Variants in HLA-DMA observed in about 807,000 individuals in gnomAD.
The protein encoded by HLA-DMA is HLA class II histocompatibility antigen, DM alpha chain.
Under a neutral mutation model 27.3 loss-of-function variants are expected in HLA-DMA, and 20 were observed. That is an observed-to-expected ratio of 0.73 (90% confidence interval 0.52 to 1.07). The LOEUF (loss-of-function observed/expected upper bound fraction) is 1.07, where lower values mean the gene tolerates loss of function less well. Ranked by LOEUF, HLA-DMA falls within the 50% of genes least tolerant of loss-of-function variation. The pLI is 0.00. For synonymous variants in HLA-DMA, 111 were observed against 126.8 expected (o/e 0.88, Z 0.83); for missense variants, 241 against 321.7 (o/e 0.75, Z 1.92).
rs1214022248 is a variant in HLA-DMA, at chr6:32,953,084, G to A, written c.-48C>T. On this transcript the variant is annotated 5_prime_UTR_variant, in exon 1 of 5. Coordinates refer to ENST00000374843, the MANE Select transcript of HLA-DMA (RefSeq NM_006120.4). ...AGGAGCTACCAACCCAGCCAACCCA[G>A]CTTCCCCAACTCCCTCCCCGAGAGG... 1 of 1,451,442 alleles carries A rather than the reference G, an allele frequency of 6.9e-7. No individual in the cohort carries two copies. Among genetic ancestry groups the A allele is most frequent in the African/African-American group, 1.4e-5 (1 of 71,580 alleles). 89.9% of individuals were successfully genotyped at this position (1,451,442 alleles called of 1,614,324 possible).
At position 32,948,749 on chromosome 6, in the gene HLA-DMA, G is replaced by C. The variant is rs936761712; in HGVS notation, c.*115C>G. Reference sequence around the variant, plus strand: ...GTGGGAAATCTACACACACACCCCAGGGATGTCCCAGAGACTTCTACCCTA... The same window carrying C: ...GTGGGAAATCTACACACACACCCCACGGATGTCCCAGAGACTTCTACCCTA... On this transcript the variant is annotated 3_prime_UTR_variant, in exon 5 of 5. Coordinates refer to ENST00000374843, the MANE Select transcript of HLA-DMA (RefSeq NM_006120.4). The C allele has an allele frequency of 2.5e-6, 3 of 1,206,092 alleles. No individual in the cohort carries two copies. Among genetic ancestry groups the C allele is most frequent in the Non-Finnish European group, 2.4e-6 (2 of 840,464 alleles). 74.7% of individuals were successfully genotyped at this position (1,206,092 alleles called of 1,614,324 possible).
At position 32,950,589 on chromosome 6, in the gene HLA-DMA, G is replaced by C. The variant is rs1216353447; in HGVS notation, c.303C>G (p.Asp101Glu). 1.9e-6 allele frequency: 3 copies of C among 1,612,878 alleles called. No homozygotes were observed. The highest frequency in any genetic ancestry group is 1.3e-5 in the African/African-American group (1 of 74,890). Residue 101 changes from aspartate (D) to glutamate (E), a missense_variant, in exon 2 of 5, where the codon GAC becomes GAG. By Grantham distance (45) the Asp-to-Glu change is conservative. Transcript: ENST00000374843. The surrounding 1 kb of genome is among the most constrained non-coding windows in gnomAD (Gnocchi z 5.0). Reference protein sequence around the residue: ...EQGDAPAILFDKEFCEWMIQQ... With the variant: ...EQGDAPAILFEKEFCEWMIQQ... The stretch of plus-strand genomic sequence containing the variant: ...GGATCATCCACTCGCAGAACTCTTT[G>C]TCAAATAAAATGGCAGGAGCATCTC...
Position 32,950,418 on chromosome 6 carries a change from G to C in HLA-DMA, c.373+101C>G. 7.3e-7 allele frequency: 1 copy of C among 1,374,740 alleles called. No homozygotes were observed. Among genetic ancestry groups the C allele is most frequent in the Non-Finnish European group, 1.0e-6 (1 of 988,260 alleles). 85.2% of individuals were successfully genotyped at this position (1,374,740 alleles called of 1,614,324 possible). On this transcript the variant is annotated intron_variant, in intron 2 of 4. Coordinates refer to ENST00000374843, the MANE Select transcript of HLA-DMA (RefSeq NM_006120.4). This position sits in a 1 kb window ranked among gnomAD's most constrained non-coding sequence, Gnocchi z 5.0. ...TTAAGGTGATGAAGAGAACCAGAAA[G>C]TATTTGAGATGGGGAGCTGGTATCA...
rs376398370 is a variant in HLA-DMA, at chr6:32,949,288, C to T, written c.764G>A (p.Arg255Gln). 133 of 1,614,174 alleles carry T rather than the reference C, an allele frequency of 8.2e-5. 1 individual carries two copies. The Middle Eastern group carries it at 8.2e-4, about 10-fold the overall frequency. The change falls in exon 4 of 5, where the codon CGG (arginine) becomes CAG (glutamine). Residue 255 changes from arginine to glutamine, a missense_variant. Arg to Gln is a conservative substitution (Grantham distance 43). Transcript: ENST00000374843. The surrounding 1 kb of genome is among the most constrained non-coding windows in gnomAD (Gnocchi z 5.8). ...IVGIVLIIYF[R>Q]KPCSGD ...TGACATACCACCTGAGCAAGGCTTC[C>T]GGAAGTAGATGATGAGAACAATGCC...
At position 32,949,723 on chromosome 6, in the gene HLA-DMA, A is replaced by T. The variant is rs138600096; in HGVS notation, c.540T>A (p.Asp180Glu). The change falls in exon 3 of 5, where the codon GAT becomes GAA. Residue 180 changes from aspartate (D) to glutamate (E), a missense_variant. By Grantham distance (45) the Asp-to-Glu change is conservative. Coordinates refer to ENST00000374843, the MANE Select transcript of HLA-DMA (RefSeq NM_006120.4). This position sits in a 1 kb window ranked among gnomAD's most constrained non-coding sequence, Gnocchi z 5.8. Reference protein sequence around the residue: ...GFGPTFVSAVDGLSFQAFSYL... With the variant: ...GFGPTFVSAVEGLSFQAFSYL... ...AAGAAAAGGCCTGGAAGCTGAGTCC[A>T]TCGACAGCTGAGACAAAAGTAGGCC... 33 of 1,613,108 alleles carry T rather than the reference A, an allele frequency of 2.0e-5. No individual in the cohort carries two copies. The East Asian group carries it at 7.1e-4, about 35-fold the overall frequency.
Position 32,949,582 on chromosome 6 carries a change from G to A in HLA-DMA, c.652+29C>T. ...GATCTATCCCTTTTTGCCCCCAAAA[G>A]GACCAGAATTCCAGGGAGAAAGCCT... On this transcript the variant is annotated intron_variant, in intron 3 of 4. Transcript: ENST00000374843. This position sits in a 1 kb window ranked among gnomAD's most constrained non-coding sequence, Gnocchi z 5.8. The A allele has an allele frequency of 6.2e-7, 1 of 1,610,322 alleles. No homozygotes were observed. The highest frequency in any genetic ancestry group is 8.5e-7 in the Non-Finnish European group (1 of 1,178,074).
Position 32,950,857 on chromosome 6 carries a change from TA to T in HLA-DMA, c.89-55del. On this transcript the variant is annotated intron_variant, in intron 1 of 4. Transcript: ENST00000374843. The surrounding 1 kb of genome is among the most constrained non-coding windows in gnomAD (Gnocchi z 5.0). ...GAGGTGGGAGCCTTCTCCTCCAACT[TA>T]AAAAACAGCAAGGTGGGGCTAGGCG... is the stretch of plus-strand genomic sequence containing the variant. 6.4e-7 allele frequency: 1 copy of T among 1,562,222 alleles called. No individual in the cohort carries two copies. The highest frequency in any genetic ancestry group is 1.1e-5 in the South Asian group (1 of 86,978).
rs199940435 is a variant in HLA-DMA at position 32,949,388 on chromosome 6, C to A, written c.664G>T (p.Ala222Ser). 8.1e-6 allele frequency: 13 copies of A among 1,613,932 alleles called. 1 individual carries two copies. The highest frequency in any genetic ancestry group is 7.7e-5 in the South Asian group (7 of 91,048). ...TAIAYWVPRNALPSDLLENVL... is the reference protein window; with the variant it reads ...TAIAYWVPRNSLPSDLLENVL... Reference sequence around the variant, plus strand: ...TTCTCCAGCAGATCTGAGGGCAGTGCGTTCCGGGGTACTGGAGGAAATGAG... The same window carrying A: ...TTCTCCAGCAGATCTGAGGGCAGTGAGTTCCGGGGTACTGGAGGAAATGAG... The change falls in exon 4 of 5, where the codon GCA (alanine) becomes TCA (serine). Residue 222 changes from alanine to serine, a missense_variant. Physicochemically the swap from Ala to Ser is moderately conservative, Grantham distance 99 (BLOSUM62 1). Transcript: ENST00000374843. This position sits in a 1 kb window ranked among gnomAD's most constrained non-coding sequence, Gnocchi z 5.8.
In HLA-DMA at chr6:32,948,807, G is replaced by A. The variant is rs1206287293; in HGVS notation, c.*57C>T. 1 of 1,603,284 alleles carries A rather than the reference G, an allele frequency of 6.2e-7. No homozygotes were observed. Among genetic ancestry groups the A allele is most frequent in the Non-Finnish European group, 8.5e-7 (1 of 1,170,294 alleles). On this transcript the variant is annotated 3_prime_UTR_variant, in exon 5 of 5. Transcript: ENST00000374843. ...ATCCTGGGCAGGATGTGAGAAATCT[G>A]AGCATCCTCTGTTTGGATGGCCGAA...
rs17617515 is a variant in HLA-DMA, at chr6:32,950,347, G to A, written c.373+172C>T. ...ATGCCTACTACATGCTAGGTACTTCGGCCCACCAAAAGAACACAGGGTGCA... is the reference window on the plus strand; with the variant it reads ...ATGCCTACTACATGCTAGGTACTTCAGCCCACCAAAAGAACACAGGGTGCA... On this transcript the variant is annotated intron_variant, in intron 2 of 4. Coordinates refer to ENST00000374843, the MANE Select transcript of HLA-DMA (RefSeq NM_006120.4). This position sits in a 1 kb window ranked among gnomAD's most constrained non-coding sequence, Gnocchi z 5.0. 139 of 772,310 alleles carry A rather than the reference G, an allele frequency of 1.8e-4. No individual in the cohort carries two copies. Among genetic ancestry groups the A allele is most frequent in the Non-Finnish European group, 2.7e-4 (126 of 461,578 alleles). 47.8% of individuals were successfully genotyped at this position (772,310 alleles called of 1,614,324 possible).
At position 32,948,707 on chromosome 6, in the gene HLA-DMA, G is replaced by A; in HGVS notation, c.*157C>T. On this transcript the variant is annotated 3_prime_UTR_variant, in exon 5 of 5. Transcript: ENST00000374843. ...GGGATCCCTGGGATGCAAGCCCAGG[G>A]ACAGCAGAGTCCCCAGGTGGGAAAT... 3 of 834,414 alleles carry A rather than the reference G, an allele frequency of 3.6e-6. No individual in the cohort carries two copies. In the East Asian group the frequency reaches 7.7e-5, roughly 21 times the overall value. 51.7% of individuals were successfully genotyped at this position (834,414 alleles called of 1,614,324 possible). A position where few individuals can be genotyped will look rare whatever the true frequency, so the allele number is the denominator to read the frequency against.
chr6:32,949,635 G>A lies in HLA-DMA; in HGVS notation c.628C>T (p.Arg210Cys), dbSNP rs17214044. ...CCCCAATAGGCAATTGCTGTGTAGC[G>A]GTCAATTTCGTGAGTCACAATGCAG... ...FSCIVTHEIDRYTAIAYWVPR... is the reference protein window; with the variant it reads ...FSCIVTHEIDCYTAIAYWVPR... Residue 210 changes from arginine to cysteine, a missense_variant, in exon 3 of 5, where the codon CGC becomes TGC. Coordinates refer to ENST00000374843, the MANE Select transcript of HLA-DMA (RefSeq NM_006120.4). The surrounding 1 kb of genome is among the most constrained non-coding windows in gnomAD (Gnocchi z 5.8). 28,867 of 1,613,084 alleles carry A rather than the reference G, an allele frequency of 0.018. 326 individuals are homozygous for A. The highest frequency in any genetic ancestry group is 0.028 in the Middle Eastern group (167 of 6,062).
At position 32,950,529 on chromosome 6, in the gene HLA-DMA, C is replaced by A. The variant is rs113629270; in HGVS notation, c.363G>T (p.Pro121=). The A allele has an allele frequency of 6.2e-7, 1 of 1,612,934 alleles. No individual in the cohort carries two copies. Among genetic ancestry groups the A allele is most frequent in the East Asian group, 2.2e-5 (1 of 44,898 alleles). The change falls in exon 2 of 5, where the codon CCG becomes CCT. Residue 121 remains proline, a synonymous_variant. Coordinates refer to ENST00000374843, the MANE Select transcript of HLA-DMA (RefSeq NM_006120.4). This position sits in a 1 kb window ranked among gnomAD's most constrained non-coding sequence, Gnocchi z 5.0. ...QIGPKLDGKI[P]VSRGFPIAEV... ...CAGAAAACTCCTGACCTCTGGACAC[C>A]GGGATTTTCCCATCAAGTTTTGGCC...
At position 32,950,715 on chromosome 6, in the gene HLA-DMA, G is replaced by A. The variant is rs1250570085; in HGVS notation, c.177C>T (p.Leu59=). ...GCTGGTCCTCGTCGTAGGCCTCAGA[G>A]AGTCCCACACTGGGACTCCCATCCT... is the stretch of plus-strand genomic sequence containing the variant. ...YCQDGSPSVG[L]SEAYDEDQLF... Residue 59 remains leucine (L), a synonymous_variant, in exon 2 of 5, where the codon CTC becomes CTT. Coordinates refer to ENST00000374843, the MANE Select transcript of HLA-DMA (RefSeq NM_006120.4). The surrounding 1 kb of genome is among the most constrained non-coding windows in gnomAD (Gnocchi z 5.0). 1 of 1,613,090 alleles carries A rather than the reference G, an allele frequency of 6.2e-7. No homozygotes were observed. The highest frequency in any genetic ancestry group is 1.7e-5 in the Admixed American group (1 of 60,032).
rs1471143079 is a variant in HLA-DMA, at chr6:32,950,797, G to A, written c.95C>T (p.Thr32Ile). Residue 32 changes from threonine to isoleucine, a missense_variant, in exon 2 of 5, where the codon ACT becomes ATT. Coordinates refer to ENST00000374843, the MANE Select transcript of HLA-DMA (RefSeq NM_006120.4). This position sits in a 1 kb window ranked among gnomAD's most constrained non-coding sequence, Gnocchi z 5.0. ...TTGCAGGTCATCTGGCCACATTGGA[G>A]TAGGAGCTGCAAAGGACACAGGGTG... ...PHSWAVPEAP[T>I]PMWPDDLQNH... is the part of the protein sequence containing the mutation. 2 of 1,611,102 alleles carry A rather than the reference G, an allele frequency of 1.2e-6. No individual in the cohort carries two copies. Among genetic ancestry groups the A allele is most frequent in the Admixed American group, 1.7e-5 (1 of 59,982 alleles).
rs1236010330 is a variant in HLA-DMA, at chr6:32,949,779, G to A, written c.484C>T (p.Gln162Ter). The A allele has an allele frequency of 4.3e-6, 7 of 1,613,088 alleles. No individual in the cohort carries two copies. In the South Asian group the frequency reaches 7.7e-5, roughly 18 times the overall value. Residue 162 changes from glutamine to a stop codon, truncating the protein, a stop_gained, in exon 3 of 5, where the codon CAG becomes TAG. Coordinates refer to ENST00000374843, the MANE Select transcript of HLA-DMA (RefSeq NM_006120.4). LOFTEE classifies it high-confidence loss of function. This position sits in a 1 kb window ranked among gnomAD's most constrained non-coding sequence, Gnocchi z 5.8. ...LFPPMLTVNW[Q>*]HHSVPVEGFG... ...CCTTCCACAGGGACGGAATGATGCT[G>A]CCAGTTCACTGTCAGCATGGGTGGG...
Position 32,949,768 on chromosome 6 carries a change from G to A in HLA-DMA, c.495C>T (p.Ser165=), listed in dbSNP as rs778982972. 13 of 1,612,964 alleles carry A rather than the reference G, an allele frequency of 8.1e-6. No homozygotes were observed. Among genetic ancestry groups the A allele is most frequent in the Admixed American group, 5.0e-5 (3 of 60,004 alleles). The change falls in exon 3 of 5, where the codon TCC becomes TCT. Residue 165 remains serine, a synonymous_variant. Coordinates refer to ENST00000374843, the MANE Select transcript of HLA-DMA (RefSeq NM_006120.4). The surrounding 1 kb of genome is among the most constrained non-coding windows in gnomAD (Gnocchi z 5.8). ...PMLTVNWQHH[S]VPVEGFGPTF... ...TAGGCCCAAATCCTTCCACAGGGAC[G>A]GAATGATGCTGCCAGTTCACTGTCA...
In HLA-DMA at chr6:32,949,422, C is replaced by G. The variant is rs565051151; in HGVS notation, c.653-23G>C. On this transcript the variant is annotated intron_variant, in intron 3 of 4. Transcript: ENST00000374843. This position sits in a 1 kb window ranked among gnomAD's most constrained non-coding sequence, Gnocchi z 5.8. ...GTACTGGAGGAAATGAGTGGCTCAG[C>G]CTGGGGACCTAGTTAGGGAGCCTCC... 2.5e-5 allele frequency: 40 copies of G among 1,612,960 alleles called. 1 individual carries two copies. The South Asian group carries it at 4.2e-4, about 17-fold the overall frequency.
At chr6:32,948,930 T>TCCC in intron 4 of HLA-DMA, 62 bp from the exon 5 acceptor site, 1 of 1,574,282 alleles carries the variant, frequency 6.4e-7, no homozygotes, top group Non-Finnish European at 8.7e-7. Context: ...CTCCTTCTCC[T>TCCC]CCTCCTCCTC....
Sources: allele counts gnomAD v4.1 joint callset, GRCh38; gene constraint gnomAD v4.1.1; non-coding constraint Gnocchi (gnomAD v3.1); transcripts MANE v1.5; gene names NCBI Gene and HGNC (gene_info 2026-07-23, HGNC 2026-07-21).